Variants in CADPS2 observed in about 807,000 individuals in gnomAD.
The protein encoded by CADPS2 is calcium-dependent secretion activator 2.
Under a neutral mutation model 172.5 loss-of-function variants are expected in CADPS2, and 93 were observed. The observed-to-expected ratio is 0.54, with a 90% confidence interval of 0.46 to 0.64. CADPS2 has a LOEUF of 0.64. Ranked by LOEUF, CADPS2 falls within the 30% of genes least tolerant of loss-of-function variation. The pLI is 0.00. For synonymous variants in CADPS2, 546 were observed against 555.2 expected (o/e 0.98, Z 0.23); for missense variants, 1,420 against 1,565.9 (o/e 0.91, Z 1.57).
At chr7:122,811,002 C>T (rs1799909539) in intron 1 of CADPS2, among the ~76,000 whole-genome samples, 1 of 152,184 alleles carries the variant, frequency 6.6e-6, no homozygotes, top group African/African-American at 2.4e-5. Context: ...CTTGTATAAA[C>T]TACATATGAA....
chr7:122,497,096 CT>C (rs1484825042), intron 9 of CADPS2, among the ~76,000 whole-genome samples: 1 of 151,892 alleles, frequency 6.6e-6, no homozygotes, highest in Non-Finnish European at 1.5e-5. Context: ...TCTGATACTG[CT>C]TTTTGCCTTG....
chr7:122,698,073 G>A, intron 2 of CADPS2: 1 of 1,614,002 alleles, frequency 6.2e-7, no homozygotes, highest in Middle Eastern at 1.6e-4. Context: ...AGGGGTCAAT[G>A]CAATTCTTGT....
intron 8 of CADPS2, among the ~76,000 whole-genome samples, chr7:122,527,865 C>T (rs1586876896): frequency 6.6e-6 from 1 of 151,724 alleles, no homozygotes; most frequent in East Asian, 1.9e-4. Flanking sequence ...ATAAATGTTT[C>T]CCCCAAAACA....
intron 9 of CADPS2, among the ~76,000 whole-genome samples, chr7:122,500,629 C>T (rs2059119791): frequency 6.6e-6 from 1 of 152,104 alleles, no homozygotes; most frequent in Non-Finnish European, 1.5e-5. Context: ...CTTACCCTTT[C>T]AGGATACACA....
At chr7:122,590,293 G>C (rs1026450864) in intron 6 of CADPS2, among the ~76,000 whole-genome samples, 1 of 151,892 alleles carries the variant, frequency 6.6e-6, no homozygotes, top group Non-Finnish European at 1.5e-5. Context: ...CAATGGACTG[G>C]AACAGAGAGC....
intron 27 of CADPS2, among the ~76,000 whole-genome samples, chr7:122,358,820 T>C (rs570937393): frequency 1.3e-5 from 2 of 152,268 alleles, no homozygotes; most frequent in South Asian, 4.1e-4. Flanking sequence ...CACTTTGTAA[T>C]CTGCCATGGT....
intron 7 of CADPS2, among the ~76,000 whole-genome samples, chr7:122,576,353 G>C (rs963843452): frequency 1.3e-5 from 2 of 152,096 alleles, no homozygotes; most frequent in African/African-American, 4.8e-5. Flanking sequence ...GGCAGCATAT[G>C]TTTCCCCCTT....
chr7:122,593,732 A>G (rs1337087542), intron 6 of CADPS2, among the ~76,000 whole-genome samples: 2 of 151,958 alleles, frequency 1.3e-5, no homozygotes, highest in Admixed American at 6.6e-5. Context: ...TATGAAAAAA[A>G]AGAGAGAGAG....
At chr7:122,717,977 A>ATTTTTTTTTTTTTTTTTTTTTTTTTT (rs36154725) in intron 2 of CADPS2, among the ~76,000 whole-genome samples, 2 of 87,174 alleles carry the variant, frequency 2.3e-5, no homozygotes, top group Non-Finnish European at 2.1e-5. Context: ...CACTCGGCTA[A>ATTTTTTTTTTTTTTTTTTTTTTTTTT]TTTTTTTTTT....
intron 2 of CADPS2, among the ~76,000 whole-genome samples, chr7:122,728,368 G>T (rs2091310629): frequency 6.6e-6 from 1 of 151,784 alleles, no homozygotes; most frequent in South Asian, 2.1e-4. Flanking sequence ...GAAGAGTTGA[G>T]GTATAATGTT....
intron 1 of CADPS2, among the ~76,000 whole-genome samples, chr7:122,821,486 A>T (rs1803272740): frequency 6.6e-6 from 1 of 152,150 alleles, no homozygotes; most frequent in African/African-American, 2.4e-5. Context: ...AGCTTTACTC[A>T]ACATGCCCTG....
intron 28 of CADPS2, among the ~76,000 whole-genome samples, chr7:122,326,691 T>A (rs1161269665): frequency 6.6e-6 from 1 of 151,820 alleles, no homozygotes; most frequent in Non-Finnish European, 1.5e-5. Flanking sequence ...AGAAAAAAAA[T>A]TTTCTCTACA....
intron 24 of CADPS2, among the ~76,000 whole-genome samples, chr7:122,380,903 G>C (rs973437465): frequency 6.6e-6 from 1 of 152,006 alleles, no homozygotes; most frequent in Non-Finnish European, 1.5e-5. Flanking sequence ...TTTTGCTTTC[G>C]AGATAGCTTG....
chr7:122,326,069 C>G lies in CADPS2; in HGVS notation c.3613-488G>C, dbSNP rs551119316. Among the ~76,000 whole-genome samples the G allele has an allele frequency of 4.7e-4, 59 of 126,456 alleles. No homozygotes were observed. In the East Asian group the frequency reaches 0.012, roughly 25 times the overall value. 83.0% of individuals were successfully genotyped at this position (126,456 alleles called of 152,430 possible). ...TACCTAAAATTACATTTTAAAGTAGCGATGGCAAAAAAAAAAAAAAAATCT... is the reference window on the plus strand; with the variant it reads ...TACCTAAAATTACATTTTAAAGTAGGGATGGCAAAAAAAAAAAAAAAATCT... On this transcript the variant is annotated intron_variant, in intron 28 of 29. Coordinates refer to ENST00000449022, the MANE Select transcript of CADPS2 (RefSeq NM_017954.11).
chr7:122,662,088 A>G (rs2080618623), intron 3 of CADPS2, among the ~76,000 whole-genome samples: 1 of 152,254 alleles, frequency 6.6e-6, no homozygotes. Context: ...TCCACAAATT[A>G]CCAATGCAAA....
chr7:122,501,008 A>C (rs2059152236), intron 9 of CADPS2, among the ~76,000 whole-genome samples: 3 of 152,126 alleles, frequency 2.0e-5, no homozygotes, highest in Non-Finnish European at 4.4e-5. Context: ...GAATCCCAGC[A>C]CTTTGGGAGG....
At chr7:122,876,951 C>T (rs999575735) in intron 1 of CADPS2, among the ~76,000 whole-genome samples, 5 of 151,888 alleles carry the variant, frequency 3.3e-5, no homozygotes, top group Non-Finnish European at 2.9e-5. Context: ...TATTCTAGAG[C>T]ACATATAAAG....
At chr7:122,751,162 A>G (rs767405198) in intron 1 of CADPS2, among the ~76,000 whole-genome samples, 32 of 152,120 alleles carry the variant, frequency 2.1e-4, no homozygotes, top group Non-Finnish European at 4.0e-4. Flanking sequence ...GTTTTTTGGT[A>G]GAGACAGGGT....
At chr7:122,471,142 TTCTC>T (rs903744275) in intron 14 of CADPS2, among the ~76,000 whole-genome samples, 3 of 151,848 alleles carry the variant, frequency 2.0e-5, no homozygotes, top group African/African-American at 7.2e-5. Context: ...CTCATATTTT[TTCTC>T]TCTCTCTCTT....
Sources: gnomAD v4.1 joint callset for allele counts (sites outside exome capture counted in the v4.1 genomes callset) on GRCh38, gnomAD v4.1.1 for gene constraint, MANE v1.5 for transcripts, NCBI Gene and HGNC (gene_info 2026-07-23, HGNC 2026-07-21) for gene names.